The following PHLDB2 variants were observed in gnomAD, a reference collection of about 807,000 sequenced individuals.
PHLDB2 encodes pleckstrin homology-like domain family B member 2.
Under a neutral mutation model 123.6 loss-of-function variants are expected in PHLDB2, and 71 were observed. The observed-to-expected ratio is 0.57, with a 90% CI of 0.47 to 0.70. PHLDB2 has a LOEUF of 0.70. PHLDB2 is among the 30% of genes least tolerant of loss of function. The pLI, the probability that PHLDB2 is intolerant of heterozygous loss-of-function variation, is 0.00. For synonymous variants in PHLDB2, 547 were observed against 541.6 expected, an observed-to-expected ratio of 1.01 and a Z score of -0.14; for missense variants, 1,446 against 1,519.5, an observed-to-expected ratio of 0.95 and a Z score of 0.80.
At chr3:111,908,510 C>T (rs2107484268) in intron 2 of PHLDB2, among the ~76,000 whole-genome samples, 1 of 152,322 alleles carries the variant, frequency 6.6e-6, no homozygotes, top group African/African-American at 2.4e-5. Flanking sequence ...ATGGAGCCAA[C>T]ACCTGCAGCC....
intron 1 of PHLDB2, among the ~76,000 whole-genome samples, chr3:111,832,176 C>A (rs1469412934): frequency 6.6e-6 from 1 of 151,678 alleles, no homozygotes; most frequent in Non-Finnish European, 1.5e-5. Context: ...ACTCTAACCA[C>A]AATCCAACCC....
intron 1 of PHLDB2, among the ~76,000 whole-genome samples, chr3:111,798,696 A>ATAAAATAAAATAAAATAAAG (rs2061262655): frequency 6.6e-6 from 1 of 151,538 alleles, no homozygotes; most frequent in African/African-American, 2.4e-5. Context: ...ATAAAATAAA[A>ATAAAATAAAATAAAATAAAG]TAAAATAAAA....
At chr3:111,816,313 C>G (rs906048046) in intron 1 of PHLDB2, among the ~76,000 whole-genome samples, 1 of 152,146 alleles carries the variant, frequency 6.6e-6, no homozygotes, top group Non-Finnish European at 1.5e-5. Context: ...GAACTGTTCA[C>G]CTGGAAAAGC....
intron 1 of PHLDB2, among the ~76,000 whole-genome samples, chr3:111,772,361 A>G (rs2060193419): frequency 6.6e-6 from 1 of 152,106 alleles, no homozygotes; most frequent in South Asian, 2.1e-4. Flanking sequence ...CTATATTAAC[A>G]GAAAGATTTT....
intron 1 of PHLDB2, among the ~76,000 whole-genome samples, chr3:111,838,689 G>A (rs2063531744): frequency 6.6e-6 from 1 of 152,068 alleles, no homozygotes; most frequent in Non-Finnish European, 1.5e-5. Flanking sequence ...GGCAGAGTCA[G>A]ATTAGAATAT....
intron 1 of PHLDB2, among the ~76,000 whole-genome samples, chr3:111,740,264 C>T (rs531266952): frequency 1.7e-4 from 26 of 152,152 alleles, no homozygotes; most frequent in African/African-American, 6.0e-4. Context: ...AGAAGAAAAA[C>T]GCTGAAAGAA....
At chr3:111,760,086 C>T (rs1002833616) in intron 1 of PHLDB2, among the ~76,000 whole-genome samples, 28 of 152,230 alleles carry the variant, frequency 1.8e-4, no homozygotes, top group African/African-American at 6.8e-4. Context: ...ATCTTCACTT[C>T]CACTAGGTCA....
intron 13 of PHLDB2, among the ~76,000 whole-genome samples, chr3:111,963,227 C>T (rs938684757): frequency 1.3e-5 from 2 of 152,146 alleles, no homozygotes; most frequent in East Asian, 1.9e-4. Flanking sequence ...GCCCAACTCC[C>T]GTTCATTCTC....
chr3:111,799,943 C>T (rs12492645), intron 1 of PHLDB2, among the ~76,000 whole-genome samples: 136,725 of 152,234 alleles, frequency 0.9, 62,123 homozygotes, highest in East Asian at 0.98. Flanking sequence ...AAATAGAATC[C>T]TATTTGTGCA....
intron 15 of PHLDB2, among the ~76,000 whole-genome samples, chr3:111,968,146 C>G (rs1181429377): frequency 6.6e-6 from 1 of 152,110 alleles, no homozygotes; most frequent in African/African-American, 2.4e-5. Flanking sequence ...TTTTGAGCAG[C>G]TTTTAAAAAT....
intron 5 of PHLDB2, among the ~76,000 whole-genome samples, chr3:111,931,424 A>G (rs1048997303): frequency 2.6e-5 from 4 of 152,216 alleles, no homozygotes; most frequent in Non-Finnish European, 5.9e-5. Context: ...ATTAAATCCT[A>G]GAGAATGTCC....
chr3:111,747,936 C>T (rs991593938), intron 1 of PHLDB2, among the ~76,000 whole-genome samples: 1 of 152,114 alleles, frequency 6.6e-6, no homozygotes, highest in Non-Finnish European at 1.5e-5. Flanking sequence ...ACCCTGATTC[C>T]CTGTGGGCAA....
chr3:111,956,819 A>C (rs543324449), intron 12 of PHLDB2, among the ~76,000 whole-genome samples: 94 of 152,324 alleles, frequency 6.2e-4, no homozygotes, highest in Admixed American at 1.7e-3. Flanking sequence ...ATGGATCATA[A>C]TTTCATTTAG....
intron 1 of PHLDB2, among the ~76,000 whole-genome samples, chr3:111,805,846 CAA>C (rs10585193): frequency 0.16 from 14,995 of 93,016 alleles, 1,150 homozygotes; most frequent in South Asian, 0.27. Flanking sequence ...TAGATGTATG[CAA>C]AAAAAAAAAA....
At chr3:111,762,191 AC>A (rs1451494430) in intron 1 of PHLDB2, among the ~76,000 whole-genome samples, 1 of 152,218 alleles carries the variant, frequency 6.6e-6, no homozygotes, top group African/African-American at 2.4e-5. Flanking sequence ...TCAGTCACTT[AC>A]TTTTCTAAAC....
chr3:111,835,641 G>C (rs947797954), intron 1 of PHLDB2, among the ~76,000 whole-genome samples: 4 of 152,320 alleles, frequency 2.6e-5, no homozygotes, highest in Admixed American at 2.6e-4. Flanking sequence ...GGTTCAGAGA[G>C]AACATCTTGT....
intron 10 of PHLDB2, among the ~76,000 whole-genome samples, chr3:111,950,292 C>T (rs1028147573): frequency 7.9e-5 from 12 of 152,142 alleles, no homozygotes; most frequent in Non-Finnish European, 1.5e-5. Context: ...ACATCATTCC[C>T]TTGTTACTGT....
At chr3:111,831,034 G>A (rs4309693) in intron 1 of PHLDB2, among the ~76,000 whole-genome samples, 11,372 of 44,646 alleles carry the variant, frequency 0.25, 2,143 homozygotes, top group Middle Eastern at 0.33. Context: ...AGAAAGAAAG[G>A]AAGGAAGGAA....
chr3:111,807,938 A>T (rs1381637401), intron 1 of PHLDB2, among the ~76,000 whole-genome samples: 1 of 126,232 alleles, frequency 7.9e-6, no homozygotes, highest in Non-Finnish European at 1.6e-5. Context: ...TTTATAAATA[A>T]GCTGGGTGTT....
Sources: gnomAD v4.1 joint callset for allele counts (sites outside exome capture counted in the v4.1 genomes callset) on GRCh38, gnomAD v4.1.1 for gene constraint, MANE v1.5 for transcripts, NCBI Gene and HGNC (gene_info 2026-07-23, HGNC 2026-07-21) for gene names.